GRID1: variants seen among roughly 807,000 people sequenced by gnomAD.
GRID1 encodes the protein glutamate ionotropic receptor delta type subunit 1, also known as glutamate receptor ionotropic, delta-1.
A neutral mutation model predicts 98.0 loss-of-function variants in GRID1; 28 were observed. That is an observed-to-expected ratio of 0.29 (90% CI 0.21 to 0.39). The LOEUF (loss-of-function observed/expected upper bound fraction) is 0.39. Among genes scored for constraint, GRID1 ranks in the 10% least tolerant of loss-of-function variants. The pLI is 1.00. For missense variants in GRID1, 1,111 were observed against 1,340.5 expected, an observed-to-expected ratio of 0.83 and a Z score of 2.67; for synonymous variants, 553 against 538.5, an observed-to-expected ratio of 1.03 and a Z score of -0.37.
intron 8 of GRID1, among the ~76,000 whole-genome samples, chr10:85,792,397 T>C (rs1395015696): frequency 6.6e-6 from 1 of 152,224 alleles, no homozygotes; most frequent in Non-Finnish European, 1.5e-5. Context: ...GAGGGAGCCC[T>C]GGCGAGGTGC....
intron 4 of GRID1, among the ~76,000 whole-genome samples, chr10:85,989,181 G>A (rs1418669598): frequency 6.6e-6 from 1 of 152,168 alleles, no homozygotes; most frequent in African/African-American, 2.4e-5. Context: ...GTTCCACAAA[G>A]GCTGTTGTTG....
At chr10:86,254,107 C>T (rs1846877566) in intron 2 of GRID1, among the ~76,000 whole-genome samples, 2 of 152,218 alleles carry the variant, frequency 1.3e-5, no homozygotes, top group South Asian at 4.1e-4. Flanking sequence ...CACCCTCCTA[C>T]ACCACCTATG....
chr10:86,237,839 G>A (rs1012992291), intron 2 of GRID1, among the ~76,000 whole-genome samples: 2 of 152,158 alleles, frequency 1.3e-5, no homozygotes, highest in African/African-American at 4.8e-5. Context: ...TACAGCCTGT[G>A]GAACTGAGTC....
chr10:86,212,500 GA>G (rs1846120684), intron 2 of GRID1, among the ~76,000 whole-genome samples: 1 of 152,230 alleles, frequency 6.6e-6, no homozygotes, highest in Admixed American at 6.5e-5. Flanking sequence ...ACGGGCAGCA[GA>G]AAAAAGAGCC....
At chr10:86,190,900 A>ACATG (rs200010424) in intron 3 of GRID1, among the ~76,000 whole-genome samples, 6,590 of 151,824 alleles carry the variant, frequency 0.043, 192 homozygotes, top group South Asian at 0.078. Context: ...ATGAGTGTGT[A>ACATG]CGTGCATGCA....
intron 13 of GRID1, among the ~76,000 whole-genome samples, chr10:85,628,071 A>ATG (rs967730044): frequency 6.6e-6 from 1 of 150,376 alleles, no homozygotes; most frequent in African/African-American, 2.5e-5. Flanking sequence ...TGTGAGGGAG[A>ATG]TGTGTGTGTA....
At chr10:85,736,567 T>C (rs779447399) in intron 8 of GRID1, among the ~76,000 whole-genome samples, 1 of 152,220 alleles carries the variant, frequency 6.6e-6, no homozygotes, top group African/African-American at 2.4e-5. Flanking sequence ...TGAGTGCAGA[T>C]GGCCCCAGCC....
At chr10:85,826,333 A>AAAAAC (rs1045653639) in intron 8 of GRID1, among the ~76,000 whole-genome samples, 10 of 152,284 alleles carry the variant, frequency 6.6e-5, no homozygotes, top group Middle Eastern at 3.4e-3. Context: ...AGACTCCGTC[A>AAAAAC]AAAACAAAAC....
At chr10:85,673,655 A>T (rs1841112289) in intron 12 of GRID1, among the ~76,000 whole-genome samples, 1 of 152,234 alleles carries the variant, frequency 6.6e-6, no homozygotes, top group East Asian at 1.9e-4. Context: ...TTAAAATTAA[A>T]GTATGTATAT....
chr10:86,250,306 T>C (rs547152167), intron 2 of GRID1, among the ~76,000 whole-genome samples: 152 of 152,228 alleles, frequency 1.0e-3, no homozygotes, highest in African/African-American at 3.6e-3. Context: ...CTCTCCAGCT[T>C]CCCCTCAACA....
chr10:86,087,801 G>A (rs918920442), intron 4 of GRID1, among the ~76,000 whole-genome samples: 5 of 151,976 alleles, frequency 3.3e-5, no homozygotes, highest in Admixed American at 6.6e-5. Flanking sequence ...CTCCCAGCCC[G>A]CAACCACTGA....
intron 13 of GRID1, among the ~76,000 whole-genome samples, chr10:85,643,503 G>T (rs114357865): frequency 6.6e-6 from 1 of 152,164 alleles, no homozygotes; most frequent in Admixed American, 6.5e-5. Flanking sequence ...GAGCAGAGGG[G>T]CCGCTCCATA....
At chr10:86,213,104 C>T (rs1846129179) in intron 2 of GRID1, among the ~76,000 whole-genome samples, 2 of 152,210 alleles carry the variant, frequency 1.3e-5, no homozygotes, top group African/African-American at 2.4e-5. Context: ...CCTGCAGCAA[C>T]CCCACCTCCT....
intron 2 of GRID1, among the ~76,000 whole-genome samples, chr10:86,292,822 G>A (rs1847535165): frequency 6.6e-6 from 1 of 152,052 alleles, no homozygotes; most frequent in South Asian, 2.1e-4. Flanking sequence ...ATGTTAACGT[G>A]AGTTTGTGTG....
intron 5 of GRID1, among the ~76,000 whole-genome samples, chr10:85,911,432 G>A (rs73344663): frequency 0.022 from 3,313 of 152,232 alleles, 129 homozygotes; most frequent in African/African-American, 0.076. Flanking sequence ...TGGAGTCACC[G>A]ACTTACACTG....
At chr10:85,972,638 A>C (rs1842423795) in intron 4 of GRID1, among the ~76,000 whole-genome samples, 1 of 151,940 alleles carries the variant, frequency 6.6e-6, no homozygotes, top group Non-Finnish European at 1.5e-5. Context: ...CTATTCCATA[A>C]TGTACTTAGC....
At chr10:85,640,936 C>A (rs1843109046) in intron 13 of GRID1, among the ~76,000 whole-genome samples, 1 of 152,186 alleles carries the variant, frequency 6.6e-6, no homozygotes, top group African/African-American at 2.4e-5. Context: ...TTGTTACCAC[C>A]AAATGCTGGC....
intron 12 of GRID1, among the ~76,000 whole-genome samples, chr10:85,722,761 G>T (rs1841717663): frequency 6.6e-6 from 1 of 152,016 alleles, no homozygotes; most frequent in African/African-American, 2.4e-5. Context: ...TGATTTCTTA[G>T]CTTTGTAGCC....
rs79888180 is a variant in GRID1 at position 86,158,805 on chromosome 10, G to A, written c.521-19781C>T. On this transcript the variant is annotated intron_variant, in intron 3 of 15. Coordinates refer to ENST00000327946, the MANE Select transcript of GRID1 (RefSeq NM_017551.3). ...CAGGGGGCTTCTGAGCATTTGAAAC[G>A]AGGTGGAATCAACTGAGATCGGCTG... 6.9e-3 allele frequency among the ~76,000 whole-genome samples: 1,044 copies of A among 152,322 alleles called. 3 individuals are homozygous for A. Among genetic ancestry groups the A allele is most frequent in the Non-Finnish European group, 0.011 (730 of 68,026 alleles).
Sources: allele counts gnomAD v4.1 joint callset (sites outside exome capture counted in the v4.1 genomes callset), GRCh38; gene constraint gnomAD v4.1.1; transcripts MANE v1.5; gene names NCBI Gene and HGNC (gene_info 2026-07-23, HGNC 2026-07-21).